Variants in CLN6 observed in about 807,000 individuals in gnomAD.
CLN6 encodes CLN6 transmembrane ER protein, also known as ceroid-lipofuscinosis neuronal protein 6.
A neutral mutation model predicts 33.3 loss-of-function variants in CLN6; 22 were observed. The observed-to-expected ratio is 0.66, with a 90% CI of 0.47 to 0.94. The LOEUF (loss-of-function observed/expected upper bound fraction) is 0.94. Ranked by LOEUF, CLN6 falls within the 40% of genes least tolerant of loss-of-function variation. The probability of loss-of-function intolerance (pLI) is 0.00; values close to 1 mark genes in which losing one functional copy is unlikely to be tolerated. For synonymous variants in CLN6, 201 were observed against 174.6 expected, an observed-to-expected ratio of 1.15 and a Z score of -1.19; for missense variants, 387 against 417.1, an observed-to-expected ratio of 0.93 and a Z score of 0.63.
At chr15:68,221,248 C>G (rs897681342) in intron 1 of CLN6, among the ~76,000 whole-genome samples, 1 of 144,294 alleles carries the variant, frequency 6.9e-6, no homozygotes, top group African/African-American at 2.6e-5. Context: ...CCCTCTCCCT[C>G]GCTTCTTCCT....
At chr15:68,229,762 AGCGGAGCGGAGCGGAGGGAGGCGGG>A (rs1160841719), upstream of CLN6, 15 of 46,410 alleles carry the variant, frequency 3.2e-4, no homozygotes, top group African/African-American at 6.6e-4. Flanking sequence ...GGCGGAGCGG[AGCGGAGCGGAGCGGAGGGAGGCGGG>A]GCGGAGGGAG....
rs2093198076 is a variant in CLN6 at position 68,209,438 on chromosome 15, C to A, written c.665+199G>T. On this transcript the variant is annotated intron_variant, in intron 6 of 6. Transcript: ENST00000249806. This position sits in a 1 kb window ranked among gnomAD's most constrained non-coding sequence, Gnocchi z 4.9. ...CCTCTCCTCCCACCTCCCTGCCACA[C>A]CCAGGCCTGGGCTTCATGGAAACAA... 6.6e-6 allele frequency among the ~76,000 whole-genome samples: 1 copy of A among 152,162 alleles called. No homozygotes were observed. Among genetic ancestry groups the A allele is most frequent in the Admixed American group, 6.5e-5 (1 of 15,278 alleles).
At position 68,218,538 on chromosome 15, in the gene CLN6, T is replaced by A. The variant is rs1430705796; in HGVS notation, c.196A>T (p.Met66Leu). Residue 66 changes from methionine (M) to leucine (L), a missense_variant and splice_region_variant, in exon 2 of 7, where the codon ATG (methionine) becomes TTG (leucine). Coordinates refer to ENST00000249806, the MANE Select transcript of CLN6 (RefSeq NM_017882.3). ...WVLDFGRPIA[M>L]LVFPLEWFPL... is the part of the protein sequence containing the mutation. Reference sequence around the variant, plus strand: ...CCTGTGCACCATTTCACACTCACCATGGCAATGGGACGCCCAAAGTCCAGA... The same window carrying A: ...CCTGTGCACCATTTCACACTCACCAAGGCAATGGGACGCCCAAAGTCCAGA... The A allele has an allele frequency of 8.7e-6, 14 of 1,608,014 alleles. No individual in the cohort carries two copies. Among genetic ancestry groups the A allele is most frequent in the Non-Finnish European group, 1.2e-5 (14 of 1,174,600 alleles).
chr15:68,221,249 G>A (rs1409168079), intron 1 of CLN6, among the ~76,000 whole-genome samples: 3 of 49,706 alleles, frequency 6.0e-5, no homozygotes, highest in South Asian at 7.6e-4. Context: ...CCTCTCCCTC[G>A]CTTCTTCCTT....
At chr15:68,229,807 G>A (rs1312224489), upstream of CLN6, 3 of 327,924 alleles carry the variant, frequency 9.1e-6, no homozygotes, top group Non-Finnish European at 1.6e-5. Context: ...GACGGGGCGG[G>A]CTCCGCTAGG....
At chr15:68,212,017 C>T (rs1356479037) in intron 3 of CLN6, 154 bp from the exon 4 acceptor site, 2 of 711,118 alleles carry the variant, frequency 2.8e-6, no homozygotes, top group Non-Finnish European at 4.7e-6. Context: ...CCAGCCCAGC[C>T]TCCAGATCCT....
At position 68,239,894 on chromosome 15, in the gene CLN6, T is replaced by G. The variant is rs565947844; in HGVS notation, c.179+16796A>C. 3.9e-5 allele frequency among the ~76,000 whole-genome samples: 6 copies of G among 152,350 alleles called. No homozygotes were observed. In the East Asian group the frequency reaches 1.2e-3, roughly 29 times the overall value. On this transcript the variant is annotated intron_variant, in intron 1 of 6. Coordinates refer to the CLN6 transcript ENST00000538696. ...AAGAATCTGATTTACATAAACCACATTTTATAATCCACAATCATAGATTTA... is the reference window on the plus strand; with the variant it reads ...AAGAATCTGATTTACATAAACCACAGTTTATAATCCACAATCATAGATTTA...
upstream of CLN6, among the ~76,000 whole-genome samples, chr15:68,233,959 A>G (rs1398401088): frequency 6.6e-6 from 1 of 152,128 alleles, no homozygotes; most frequent in Non-Finnish European, 1.5e-5. The surrounding 1 kb of genome is among the most constrained non-coding windows in gnomAD (Gnocchi z 4.3). Flanking sequence ...CTGTGGGGAG[A>G]GAGAAGGTCC....
rs890737053 is a variant in CLN6, at chr15:68,256,527, T to C, written c.179+163A>G. ...TATTACCAATACAATACTTGTGTTA[T>C]AGCACTCCTGTATCACAGTATTTGT... On this transcript the variant is annotated intron_variant, in intron 1 of 6. Transcript: ENST00000538696. This position sits in a 1 kb window ranked among gnomAD's most constrained non-coding sequence, Gnocchi z 4.1. Among the ~76,000 whole-genome samples, 3 of 152,186 alleles carry C rather than the reference T, an allele frequency of 2.0e-5. No homozygotes were observed. Among genetic ancestry groups the C allele is most frequent in the Admixed American group, 2.0e-4 (3 of 15,276 alleles).
intron 1 of CLN6, among the ~76,000 whole-genome samples, chr15:68,244,936 C>T (rs1185705038): frequency 1.3e-5 from 2 of 150,896 alleles, no homozygotes; most frequent in Non-Finnish European, 2.9e-5. Context: ...CACCTATAAT[C>T]CCACCTACTT....
chr15:68,244,312 A>C (rs1213666503), intron 1 of CLN6, among the ~76,000 whole-genome samples: 1 of 151,728 alleles, frequency 6.6e-6, no homozygotes, highest in East Asian at 1.9e-4. Flanking sequence ...AAGCAGCAAT[A>C]TAAAATAAGC....
Position 68,247,030 on chromosome 15 carries a change from C to T in CLN6, c.179+9660G>A, listed in dbSNP as rs753230599. ...AATTAGCCTGGCGTGGTGGTGCATG[C>T]CTGTAATCCCAGATACTCGGGAGGC... On this transcript the variant is annotated intron_variant, in intron 1 of 6. Coordinates refer to the CLN6 transcript ENST00000538696. This position sits in a 1 kb window ranked among gnomAD's most constrained non-coding sequence, Gnocchi z 4.2. Among the ~76,000 whole-genome samples, 1 of 152,030 alleles carries T rather than the reference C, an allele frequency of 6.6e-6. No individual in the cohort carries two copies. The highest frequency in any genetic ancestry group is 1.5e-5 in the Non-Finnish European group (1 of 68,022).
chr15:68,254,294 G>C (rs1227421070), intron 1 of CLN6, among the ~76,000 whole-genome samples: 1 of 152,162 alleles, frequency 6.6e-6, no homozygotes, highest in East Asian at 1.9e-4. Context: ...GCATACAGGT[G>C]GATGCATGAG....
chr15:68,221,094 A>G (rs1046434446), intron 1 of CLN6, among the ~76,000 whole-genome samples: 4 of 151,502 alleles, frequency 2.6e-5, no homozygotes, highest in African/African-American at 9.7e-5. Flanking sequence ...TCAATAATCA[A>G]CCCACATCAG....
upstream of CLN6, among the ~76,000 whole-genome samples, chr15:68,232,423 C>A (rs1373907776): frequency 6.6e-6 from 1 of 152,130 alleles, no homozygotes; most frequent in Non-Finnish European, 1.5e-5. The surrounding 1 kb of genome is among the most constrained non-coding windows in gnomAD (Gnocchi z 4.7). Flanking sequence ...TCTCAAAGTG[C>A]TGGGATTGCA....
Position 68,223,571 on chromosome 15 carries a change from C to T in CLN6, c.84-4921G>A, listed in dbSNP as rs140724948. On this transcript the variant is annotated intron_variant, in intron 1 of 6. Coordinates refer to ENST00000249806, the MANE Select transcript of CLN6 (RefSeq NM_017882.3). ...CAAACTTGGCAAAAAGTAGGATGTT[C>T]GGTACGAGGAATAAAGGGATTTTGG... Among the ~76,000 whole-genome samples the T allele has an allele frequency of 2.5e-3, 381 of 152,116 alleles. 7 individuals carry two copies. The highest frequency in any genetic ancestry group is 0.023 in the Admixed American group (347 of 15,254).
At chr15:68,243,702 C>A (rs1275473898) in intron 1 of CLN6, among the ~76,000 whole-genome samples, 1 of 150,080 alleles carries the variant, frequency 6.7e-6, no homozygotes, top group Non-Finnish European at 1.5e-5. Flanking sequence ...TTGCAGTGAG[C>A]CGATATTGCG....
upstream of CLN6, among the ~76,000 whole-genome samples, chr15:68,229,993 G>A (rs561919050): frequency 5.9e-5 from 9 of 152,318 alleles, no homozygotes; most frequent in South Asian, 2.1e-4. Flanking sequence ...GCGGGGTAGC[G>A]ACCTGGAGAT....
At chr15:68,233,097 A>T (rs1479813047), upstream of CLN6, among the ~76,000 whole-genome samples, 2 of 152,098 alleles carry the variant, frequency 1.3e-5, no homozygotes, top group Non-Finnish European at 2.9e-5. This position sits in a 1 kb window ranked among gnomAD's most constrained non-coding sequence, Gnocchi z 4.3. Context: ...ATCCTTCCAG[A>T]CGGAGTGGTG....
Sources: gnomAD v4.1 joint callset for allele counts (sites outside exome capture counted in the v4.1 genomes callset) on GRCh38, gnomAD v4.1.1 for gene constraint, Gnocchi (gnomAD v3.1) non-coding constraint, MANE v1.5 for transcripts, NCBI Gene and HGNC (gene_info 2026-07-23, HGNC 2026-07-21) for gene names.